RELCH: variants seen among roughly 807,000 people sequenced by gnomAD.
The protein encoded by RELCH is RAB11-binding protein RELCH.
RELCH carries 41 observed loss-of-function variants against 150.3 expected under a neutral mutation model. The observed-to-expected ratio is 0.27, with a 90% confidence interval of 0.21 to 0.35. RELCH has a LOEUF of 0.35. RELCH is among the 10% of genes least tolerant of loss of function. RELCH has a pLI of 1.00. For synonymous variants in RELCH, 478 were observed against 531.8 expected, an observed-to-expected ratio of 0.90 and a Z score of 1.39; for missense variants, 1,092 against 1,467.8, an observed-to-expected ratio of 0.74 and a Z score of 4.18.
rs2045963710 is a variant in RELCH, at chr18:62,309,955, C to T, written c.*4421C>T. ...TTTTTATAATTTTAACAAACTGCTT[C>T]CCTCCTGGAAAAGTAACCCTTTCTT... On this transcript the variant is annotated 3_prime_UTR_variant, in exon 29 of 29. Coordinates refer to ENST00000644646, the MANE Select transcript of RELCH (RefSeq NM_001346231.2). 1 of 152,128 alleles carries T rather than the reference C, an allele frequency of 6.6e-6. No homozygotes were observed. The highest frequency in any genetic ancestry group is 6.5e-5 in the Admixed American group (1 of 15,278). 9.4% of individuals were successfully genotyped at this position (152,128 alleles called of 1,614,324 possible). A position where few individuals can be genotyped will look rare whatever the true frequency, so the allele number is the denominator to read the frequency against.
rs148670083 is a variant in RELCH, at chr18:62,235,243, T to A, written c.1620+2816T>A. The A allele has an allele frequency of 2.6e-5, 4 of 152,202 alleles. No individual in the cohort carries two copies. The East Asian group carries it at 5.8e-4, about 22-fold the overall frequency. 9.4% of individuals were successfully genotyped at this position (152,202 alleles called of 1,614,324 possible). ...ATAAAAAAATTCCTCTTTTGAATAG[T>A]CTTGCTACTTTTGTCAAAAATCAGT... On this transcript the variant is annotated intron_variant, in intron 10 of 28. Coordinates refer to ENST00000644646, the MANE Select transcript of RELCH (RefSeq NM_001346231.2).
intron 28 of RELCH, among the ~76,000 whole-genome samples, chr18:62,304,876 C>A (rs552330058): frequency 1.3e-5 from 2 of 152,212 alleles, no homozygotes; most frequent in South Asian, 4.1e-4. Flanking sequence ...AGGAATATCC[C>A]CCTAAAAAGG....
chr18:62,229,209 C>T (rs1309146174), intron 8 of RELCH, among the ~76,000 whole-genome samples: 1 of 152,030 alleles, frequency 6.6e-6, no homozygotes, highest in Non-Finnish European at 1.5e-5. Context: ...AGGAATATTA[C>T]TGAGCTCTTT....
In RELCH at chr18:62,261,548, T is replaced by A. The variant is rs762181413; in HGVS notation, c.2240T>A (p.Met747Lys). Reference sequence around the variant, plus strand: ...GGACTGGATGAACACAAACTCCACATGTATCTTTCTGCCTTGCAGTCCTTG... The same window carrying A: ...GGACTGGATGAACACAAACTCCACAAGTATCTTTCTGCCTTGCAGTCCTTG... ...EHGLDEHKLH[M>K]YLSALQSLIP... Residue 747 changes from methionine to lysine, a missense_variant, in exon 16 of 29, where the codon ATG (methionine) becomes AAG (lysine). Met to Lys is a moderately conservative substitution (Grantham distance 95, BLOSUM62 -1). Coordinates refer to ENST00000644646, the MANE Select transcript of RELCH (RefSeq NM_001346231.2). The A allele has an allele frequency of 8.1e-6, 13 of 1,611,972 alleles. No individual in the cohort carries two copies. The highest frequency in any genetic ancestry group is 1.1e-5 in the Non-Finnish European group (13 of 1,178,782).
At chr18:62,241,915 C>T (rs949093151) in intron 10 of RELCH, among the ~76,000 whole-genome samples, 3 of 152,040 alleles carry the variant, frequency 2.0e-5, no homozygotes, top group African/African-American at 7.2e-5. Flanking sequence ...ATTTTAATAG[C>T]AATACAAATA....
At chr18:62,290,098 CATT>C (rs1027110792) in intron 26 of RELCH, among the ~76,000 whole-genome samples, 1 of 152,170 alleles carries the variant, frequency 6.6e-6, no homozygotes, top group African/African-American at 2.4e-5. Context: ...ATAAATCACT[CATT>C]ATAGGATCCA....
intron 10 of RELCH, among the ~76,000 whole-genome samples, chr18:62,236,653 G>A (rs1290690405): frequency 2.0e-5 from 3 of 151,626 alleles, no homozygotes; most frequent in South Asian, 2.1e-4. Flanking sequence ...CTGTAACATC[G>A]GTACTAACAT....
intron 8 of RELCH, among the ~76,000 whole-genome samples, chr18:62,230,127 G>A (rs1181455707): frequency 6.6e-6 from 1 of 152,022 alleles, no homozygotes; most frequent in Admixed American, 6.6e-5. Context: ...GGATCTGCAA[G>A]ATTATTAGAA....
intron 10 of RELCH, among the ~76,000 whole-genome samples, 191 bp downstream of exon 10, chr18:62,232,618 G>T (rs1305162637): frequency 6.6e-6 from 1 of 152,048 alleles, no homozygotes; most frequent in Admixed American, 6.6e-5. Flanking sequence ...CAGTAAAACT[G>T]CATGGTATTC....
chr18:62,253,461 T>A (rs768139982), intron 12 of RELCH, among the ~76,000 whole-genome samples: 9 of 152,166 alleles, frequency 5.9e-5, no homozygotes, highest in Non-Finnish European at 8.8e-5. Flanking sequence ...TCCAGTCCTC[T>A]GTATAACTCA....
intron 21 of RELCH, among the ~76,000 whole-genome samples, chr18:62,275,151 G>A (rs1172680854): frequency 1.3e-5 from 2 of 152,124 alleles, no homozygotes; most frequent in African/African-American, 2.4e-5. Flanking sequence ...TCTTGACCTC[G>A]TGATCTGCCC....
intron 24 of RELCH, among the ~76,000 whole-genome samples, chr18:62,281,324 G>A (rs1013885923): frequency 6.6e-6 from 1 of 152,172 alleles, no homozygotes; most frequent in Non-Finnish European, 1.5e-5. Flanking sequence ...GAACACAAAT[G>A]TATCTCAGTT....
chr18:62,279,158 A>T (rs1298729377), intron 22 of RELCH, among the ~76,000 whole-genome samples: 1 of 152,186 alleles, frequency 6.6e-6, no homozygotes, highest in African/African-American at 2.4e-5. Flanking sequence ...CATGGCTTAT[A>T]TGTGGAGAAC....
chr18:62,289,398 A>G (rs1600251909), intron 26 of RELCH, among the ~76,000 whole-genome samples: 1 of 152,344 alleles, frequency 6.6e-6, no homozygotes, highest in Non-Finnish European at 1.5e-5. Context: ...TAATACAGAC[A>G]TTAGAAAAAC....
chr18:62,277,363 T>TG (rs1212207768), intron 22 of RELCH, among the ~76,000 whole-genome samples: 2 of 152,128 alleles, frequency 1.3e-5, no homozygotes, highest in African/African-American at 4.8e-5. Flanking sequence ...AATTCATTAA[T>TG]GATACATTTC....
chr18:62,246,818 GAAATAGAGGGAGATGGGC>G (rs1821677224), intron 11 of RELCH: 1 of 152,162 alleles, frequency 6.6e-6, no homozygotes. Context: ...CAGTAAACAA[GAAATAGAGGGAGATGGGC>G]AAATGATATC....
Position 62,275,384 on chromosome 18 carries a change from G to A in RELCH, c.2878G>A (p.Ala960Thr). 1 of 1,526,044 alleles carries A rather than the reference G, an allele frequency of 6.6e-7. No individual in the cohort carries two copies. Among genetic ancestry groups the A allele is most frequent in the Non-Finnish European group, 8.8e-7 (1 of 1,141,054 alleles). 94.5% of individuals were successfully genotyped at this position (1,526,044 alleles called of 1,614,324 possible). Reference sequence around the variant, plus strand: ...TTTTTTTTCTTCTAGTGCAAACCCAGCCTACCATGAGTTACTATTAACTGT... The same window carrying A: ...TTTTTTTTCTTCTAGTGCAAACCCAACCTACCATGAGTTACTATTAACTGT... ...ASFVELGANP[A>T]YHELLLTVLW... The change falls in exon 22 of 29, where the codon GCC (alanine) becomes ACC (threonine). Residue 960 changes from alanine to threonine, a missense_variant. By Grantham distance (58) the Ala-to-Thr change is moderately conservative. Coordinates refer to ENST00000644646, the MANE Select transcript of RELCH (RefSeq NM_001346231.2).
intron 25 of RELCH, among the ~76,000 whole-genome samples, chr18:62,283,900 A>G (rs10503068): frequency 0.16 from 24,780 of 151,974 alleles, 2,709 homozygotes; most frequent in Middle Eastern, 0.28. Context: ...TTAAATGGGT[A>G]TTTGATATGT....
chr18:62,215,810 G>A (rs1053402017), intron 2 of RELCH, among the ~76,000 whole-genome samples: 2 of 152,084 alleles, frequency 1.3e-5, no homozygotes, highest in Non-Finnish European at 2.9e-5. Context: ...CCAGGCTGTA[G>A]TTCTGACCCA....
Sources: allele counts gnomAD v4.1 joint callset (sites outside exome capture counted in the v4.1 genomes callset), GRCh38; gene constraint gnomAD v4.1.1; transcripts MANE v1.5; gene names NCBI Gene and HGNC (gene_info 2026-07-23, HGNC 2026-07-21).